OSBPL10: variants seen among roughly 807,000 people sequenced by gnomAD.
OSBPL10 encodes the protein oxysterol-binding protein-related protein 10.
OSBPL10 carries 49 observed loss-of-function variants against 81.7 expected under a neutral mutation model. The observed-to-expected ratio is 0.60, with a 90% CI of 0.48 to 0.76. OSBPL10 has a LOEUF of 0.76. Ranked by LOEUF, OSBPL10 falls within the 30% of genes least tolerant of loss-of-function variation. The pLI is 0.00. For missense variants in OSBPL10, 923 were observed against 987.8 expected, an observed-to-expected ratio of 0.93 and a Z score of 0.88; for synonymous variants, 419 against 383.6, an observed-to-expected ratio of 1.09 and a Z score of -1.08.
intron 2 of OSBPL10, among the ~76,000 whole-genome samples, chr3:32,005,263 C>G (rs1297831311): frequency 6.6e-6 from 1 of 151,844 alleles, no homozygotes; most frequent in Non-Finnish European, 1.5e-5. Flanking sequence ...TAAGATCTAC[C>G]CATGATGCAC....
At chr3:31,738,884 C>G (rs1697264525) in intron 5 of OSBPL10, among the ~76,000 whole-genome samples, 1 of 151,782 alleles carries the variant, frequency 6.6e-6, no homozygotes, top group East Asian at 1.9e-4. Context: ...ATTAAGAACT[C>G]AAGAAATGGG....
chr3:31,777,396 G>C (rs766728174), intron 4 of OSBPL10, among the ~76,000 whole-genome samples: 3 of 152,046 alleles, frequency 2.0e-5, no homozygotes, highest in Non-Finnish European at 4.4e-5. Flanking sequence ...CCCCTAGCCT[G>C]CTGGTTACTA....
intron 8 of OSBPL10, among the ~76,000 whole-genome samples, chr3:31,672,322 A>G (rs1414664538): frequency 7.3e-6 from 1 of 137,476 alleles, no homozygotes; most frequent in Non-Finnish European, 1.5e-5. Context: ...CTTAGGCTAC[A>G]TAAGCATCTA....
chr3:32,026,764 A>G (rs1214671082), intron 2 of OSBPL10, among the ~76,000 whole-genome samples: 4 of 152,186 alleles, frequency 2.6e-5, no homozygotes, highest in Non-Finnish European at 4.4e-5. Flanking sequence ...AACAGCTTTT[A>G]CTACTTTTAG....
intron 3 of OSBPL10, among the ~76,000 whole-genome samples, chr3:31,856,268 C>T (rs995723323): frequency 6.6e-6 from 1 of 151,798 alleles, no homozygotes; most frequent in Non-Finnish European, 1.5e-5. Flanking sequence ...TAAAAAAATC[C>T]CCAAACTTTA....
chr3:32,034,314 G>A (rs1699499320), intron 2 of OSBPL10, among the ~76,000 whole-genome samples: 1 of 151,986 alleles, frequency 6.6e-6, no homozygotes. Flanking sequence ...GGTGGCCCCA[G>A]CCTGTAGTCC....
At position 31,670,151 on chromosome 3, in the gene OSBPL10, T is replaced by G. The variant is rs1006060772; in HGVS notation, c.1913+646A>C. Among the ~76,000 whole-genome samples the G allele has an allele frequency of 3.3e-5, 5 of 152,276 alleles. 1 individual carries two copies. The highest frequency in any genetic ancestry group is 3.9e-4 in the East Asian group (2 of 5,174). ...GTCCCCAAGGGTGTCCACGTGCCCC[T>G]GTGACACTCTGATACACTCACACTA... On this transcript the variant is annotated intron_variant, in intron 9 of 11. Transcript: ENST00000396556.
At chr3:31,938,212 C>T (rs1697435232) in intron 1 of OSBPL10, among the ~76,000 whole-genome samples, 3 of 152,208 alleles carry the variant, frequency 2.0e-5, no homozygotes, top group African/African-American at 7.2e-5. Flanking sequence ...TCTGACAGGC[C>T]TCTTCTGTCT....
intron 1 of OSBPL10, among the ~76,000 whole-genome samples, chr3:31,977,942 C>T (rs1365352477): frequency 6.6e-6 from 1 of 152,224 alleles, no homozygotes; most frequent in East Asian, 1.9e-4. Context: ...ACGTTCCCAT[C>T]ATACAGTGTT....
At chr3:31,864,689 T>G (rs1212750842) in intron 3 of OSBPL10, among the ~76,000 whole-genome samples, 1 of 152,034 alleles carries the variant, frequency 6.6e-6, no homozygotes, top group Non-Finnish European at 1.5e-5. Flanking sequence ...TCTAGAACAC[T>G]GACTGAATGA....
intron 9 of OSBPL10, among the ~76,000 whole-genome samples, chr3:31,670,471 G>A (rs1442796012): frequency 1.3e-5 from 2 of 152,134 alleles, no homozygotes; most frequent in African/African-American, 4.8e-5. Flanking sequence ...GCTATGTCTG[G>A]GTTCATAGAT....
chr3:31,787,082 T>A (rs146109830), intron 4 of OSBPL10, among the ~76,000 whole-genome samples: 1 of 152,366 alleles, frequency 6.6e-6, no homozygotes, highest in East Asian at 1.9e-4. Flanking sequence ...TGGCATAGAA[T>A]AAGCGGTCAC....
chr3:31,732,186 A>G (rs979086764), intron 6 of OSBPL10, among the ~76,000 whole-genome samples: 5 of 152,220 alleles, frequency 3.3e-5, no homozygotes, highest in African/African-American at 9.6e-5. Context: ...GTACATACAG[A>G]GCAAATGCCT....
chr3:31,812,857 C>A (rs1325798964), intron 4 of OSBPL10, among the ~76,000 whole-genome samples: 10 of 147,618 alleles, frequency 6.8e-5, no homozygotes, highest in Admixed American at 6.0e-4. Flanking sequence ...CGAACTTCTC[C>A]AATAACATGT....
At chr3:31,808,084 C>T (rs2125465527) in intron 4 of OSBPL10, among the ~76,000 whole-genome samples, 1 of 152,238 alleles carries the variant, frequency 6.6e-6, no homozygotes, top group Admixed American at 6.5e-5. Context: ...GCTACAATGA[C>T]CCTGAGTTTC....
chr3:31,946,591 G>A (rs1697710244), intron 1 of OSBPL10, among the ~76,000 whole-genome samples: 4 of 152,270 alleles, frequency 2.6e-5, no homozygotes, highest in South Asian at 2.1e-4. Flanking sequence ...GAGGCACAGC[G>A]GTAAAGGTAA....
intron 5 of OSBPL10, among the ~76,000 whole-genome samples, chr3:31,736,065 G>A (rs1225303038): frequency 1.3e-5 from 2 of 152,078 alleles, no homozygotes; most frequent in East Asian, 1.9e-4. Context: ...AATAAAAAAC[G>A]GCCAAAAGAA....
At chr3:31,849,826 C>T (rs942939496) in intron 3 of OSBPL10, among the ~76,000 whole-genome samples, 12 of 151,954 alleles carry the variant, frequency 7.9e-5, no homozygotes, top group African/African-American at 2.9e-4. Flanking sequence ...TTGCCTGAAG[C>T]CAGGAGTTCG....
At chr3:31,771,940 T>C (rs1202540686) in intron 4 of OSBPL10, among the ~76,000 whole-genome samples, 1 of 152,172 alleles carries the variant, frequency 6.6e-6, no homozygotes, top group African/African-American at 2.4e-5. Context: ...CACTATGTCA[T>C]TTTAGCCAGA....
Sources: gnomAD v4.1 joint callset for allele counts (sites outside exome capture counted in the v4.1 genomes callset) on GRCh38, gnomAD v4.1.1 for gene constraint, MANE v1.5 for transcripts, NCBI Gene and HGNC (gene_info 2026-07-23, HGNC 2026-07-21) for gene names.